The following CRIM1 variants were observed in gnomAD, a reference collection of about 807,000 sequenced individuals.
The protein encoded by CRIM1 is cysteine-rich motor neuron 1 protein.
In CRIM1, 32 loss-of-function variants were observed where a neutral mutation model predicts 116.4. The ratio of observed to expected loss-of-function variants is 0.27; its 90% CI spans 0.21 to 0.37. CRIM1 has a LOEUF of 0.37. Among genes scored for constraint, CRIM1 ranks in the 10% least tolerant of loss-of-function variants. The probability of loss-of-function intolerance (pLI) is 1.00; values close to 1 mark genes in which losing one functional copy is unlikely to be tolerated. For synonymous variants in CRIM1, 590 were observed against 509.2 expected (o/e 1.16, Z -2.13); for missense variants, 1,331 against 1,354.8 (o/e 0.98, Z 0.28).
intron 7 of CRIM1, among the ~76,000 whole-genome samples, chr2:36,482,579 A>C (rs1417098272): frequency 6.6e-6 from 1 of 152,254 alleles, no homozygotes; most frequent in African/African-American, 2.4e-5. Flanking sequence ...GTATGAAATA[A>C]GAAAAAGTGC....
chr2:36,496,092 A>G (rs925583810), intron 7 of CRIM1, among the ~76,000 whole-genome samples: 11 of 152,170 alleles, frequency 7.2e-5, no homozygotes, highest in East Asian at 5.8e-4. Flanking sequence ...AGTTACTCCA[A>G]TTACATAGGG....
At chr2:36,537,622 G>A in intron 14 of CRIM1, 76 bp downstream of exon 14, 1 of 1,424,148 alleles carries the variant, frequency 7.0e-7, no homozygotes, top group African/African-American at 1.4e-5. Context: ...AGCTCGACCT[G>A]CCCCTTCTTT....
chr2:36,443,167 G>T (rs910118995), intron 4 of CRIM1, among the ~76,000 whole-genome samples: 1 of 152,176 alleles, frequency 6.6e-6, no homozygotes, highest in Admixed American at 6.5e-5. Context: ...CATCTACCCA[G>T]ACCCATTTCT....
At chr2:36,542,172 T>A (rs567012709) in intron 14 of CRIM1, among the ~76,000 whole-genome samples, 12 of 152,196 alleles carry the variant, frequency 7.9e-5, no homozygotes, top group Admixed American at 7.9e-4. Flanking sequence ...CTGCTGGAAG[T>A]AAGAAGTGGC....
At chr2:36,547,627 C>T (rs1356632268) in intron 16 of CRIM1, among the ~76,000 whole-genome samples, 1 of 152,058 alleles carries the variant, frequency 6.6e-6, no homozygotes, top group African/African-American at 2.4e-5. Flanking sequence ...GCAAAAGGAA[C>T]AGGTCAGTGC....
At chr2:36,498,674 G>A (rs192908771) in intron 7 of CRIM1, among the ~76,000 whole-genome samples, 36 of 152,192 alleles carry the variant, frequency 2.4e-4, no homozygotes, top group African/African-American at 8.2e-4. Flanking sequence ...GTAGTTATCT[G>A]TCGTATCATC....
chr2:36,405,331 A>C (rs911763078), intron 2 of CRIM1, among the ~76,000 whole-genome samples: 6 of 152,160 alleles, frequency 3.9e-5, no homozygotes, highest in African/African-American at 1.2e-4. Flanking sequence ...TCATGGAGAC[A>C]CTTTTCAGCT....
Position 36,522,196 on chromosome 2 carries a change from G to A in CRIM1, c.2311G>A (p.Val771Ile), listed in dbSNP as rs746349562. 1.3e-5 allele frequency: 21 copies of A among 1,613,982 alleles called. No homozygotes were observed. Among genetic ancestry groups the A allele is most frequent in the African/African-American group, 4.0e-5 (3 of 74,914 alleles). Residue 771 changes from valine (V) to isoleucine (I), a missense_variant, in exon 13 of 17, where the codon GTT (valine) becomes ATT (isoleucine). Around this residue, in one of 3 missense-constraint regions of CRIM1, gnomAD observed 358 missense variants for 436.1 expected, o/e 0.82. Transcript: ENST00000280527. ...FLAAESWKPD[V>I]CTSCICIDSV... ...GGCAGCTGAGTCCTGGAAGCCTGAC[G>A]TTTGTACCAGCTGCATCTGCATTGA...
chr2:36,377,727 A>G (rs1169216641), intron 1 of CRIM1, among the ~76,000 whole-genome samples: 3 of 152,164 alleles, frequency 2.0e-5, no homozygotes, highest in Non-Finnish European at 4.4e-5. Flanking sequence ...GCACATACTC[A>G]TTCATGCTTT....
chr2:36,491,613 T>C (rs1403859), intron 7 of CRIM1, among the ~76,000 whole-genome samples: 43,264 of 152,050 alleles, frequency 0.28, 6,391 homozygotes, highest in South Asian at 0.4. Context: ...TTTTGTTCAT[T>C]CATTGAGCAG....
At chr2:36,537,282 C>G in intron 13 of CRIM1, 70 bp from the exon 14 acceptor site, 1 of 1,385,398 alleles carries the variant, frequency 7.2e-7, no homozygotes, top group Admixed American at 1.7e-5. Context: ...ATCCCTTGAT[C>G]TCTCACGTCT....
chr2:36,381,459 A>G (rs7556859), intron 1 of CRIM1, among the ~76,000 whole-genome samples: 51,795 of 152,046 alleles, frequency 0.34, 9,841 homozygotes, highest in Non-Finnish European at 0.43. Flanking sequence ...TGGGGTGAGG[A>G]GGAAAGGATG....
intron 9 of CRIM1, among the ~76,000 whole-genome samples, chr2:36,510,601 T>C (rs1361916855): frequency 2.0e-5 from 3 of 152,226 alleles, no homozygotes; most frequent in Non-Finnish European, 4.4e-5. Flanking sequence ...TGTCTCACCT[T>C]GGAACTAGTC....
rs181755488 is a variant in CRIM1, at chr2:36,544,539, T to C, written c.2746+41T>C. ...AGCTGAGATCTGCTAGTTTTCTATG[T>C]GGTCTACTTAGGTGTTTTCTAATTT... On this transcript the variant is annotated intron_variant, in intron 15 of 16. Transcript: ENST00000280527. The C allele has an allele frequency of 6.1e-4, 801 of 1,315,120 alleles. 12 individuals are homozygous for C. The Admixed American group carries it at 0.022, about 37-fold the overall frequency. The allele number at this position is 1,315,120 out of a possible 1,614,324, so 81.5% of individuals were successfully genotyped here.
intron 16 of CRIM1, among the ~76,000 whole-genome samples, chr2:36,548,059 A>T (rs1667474683): frequency 6.6e-6 from 1 of 152,178 alleles, no homozygotes; most frequent in South Asian, 2.1e-4. Context: ...TACAGTTGCC[A>T]GTGTCCAAAG....
intron 1 of CRIM1, chr2:36,369,296 CCCT>C (rs1335595871): frequency 3.9e-5 from 6 of 152,208 alleles, no homozygotes; most frequent in Non-Finnish European, 7.3e-5. Flanking sequence ...TGTGGTTTGG[CCCT>C]CCTCCTCTGG....
At chr2:36,480,905 G>T (rs373088235) in intron 7 of CRIM1, among the ~76,000 whole-genome samples, 1 of 152,114 alleles carries the variant, frequency 6.6e-6, no homozygotes, top group East Asian at 1.9e-4. Flanking sequence ...AAAAAAAAGA[G>T]CATGTAGAAA....
At chr2:36,538,904 T>C (rs1287410061) in intron 14 of CRIM1, among the ~76,000 whole-genome samples, 1 of 152,254 alleles carries the variant, frequency 6.6e-6, no homozygotes, top group Non-Finnish European at 1.5e-5. Flanking sequence ...CCCAGTAATA[T>C]GCTTTTAATG....
At chr2:36,496,290 T>G (rs946903475) in intron 7 of CRIM1, among the ~76,000 whole-genome samples, 3 of 152,220 alleles carry the variant, frequency 2.0e-5, no homozygotes, top group Non-Finnish European at 4.4e-5. Context: ...TCACAATGAC[T>G]ATTGTTGTGT....
Sources: gnomAD v4.1 joint callset for allele counts (sites outside exome capture counted in the v4.1 genomes callset) on GRCh38, gnomAD v4.1.1 for gene constraint, gnomAD v4.1.1 regional missense constraint, MANE v1.5 for transcripts, NCBI Gene and HGNC (gene_info 2026-07-23, HGNC 2026-07-21) for gene names.